The following ZNF385C variants were observed in gnomAD, a reference collection of about 807,000 sequenced individuals.
The protein encoded by ZNF385C is zinc finger protein 385C, also known as CTD-2132N18.2.
ZNF385C carries 28 observed loss-of-function variants against 35.4 expected under a neutral mutation model. The ratio of observed to expected loss-of-function variants is 0.79; its 90% confidence interval spans 0.59 to 1.08. The LOEUF (loss-of-function observed/expected upper bound fraction) is 1.08. Among genes scored for constraint, ZNF385C ranks in the 50% least tolerant of loss-of-function variants. The pLI, the probability that ZNF385C is intolerant of heterozygous loss-of-function variation, is 0.00. For synonymous variants in ZNF385C, 248 were observed against 248.2 expected (o/e 1.00, Z 0.01); for missense variants, 605 against 595.6 (o/e 1.02, Z -0.16).
At chr17:42,044,572 C>T (rs1555656440) in intron 2 of ZNF385C, among the ~76,000 whole-genome samples, 2 of 151,262 alleles carry the variant, frequency 1.3e-5, no homozygotes, top group African/African-American at 2.4e-5. Flanking sequence ...GCCGAGATCA[C>T]GCTATTGCAC....
chr17:42,067,501 AAGACTCCGTACCCCCTGGGCATGAC>A (rs1233183060), intron 1 of ZNF385C, among the ~76,000 whole-genome samples: 1 of 152,038 alleles, frequency 6.6e-6, no homozygotes, highest in African/African-American at 2.4e-5. Context: ...AAGGTAGGTG[AAGACTCCGTACCCCCTGGGCATGAC>A]AGACCCCAGT....
chr17:42,066,083 A>G (rs2053543115), intron 1 of ZNF385C, among the ~76,000 whole-genome samples: 1 of 152,102 alleles, frequency 6.6e-6, no homozygotes, highest in African/African-American at 2.4e-5. Context: ...TGTTTGAGAC[A>G]GGGTCTCACA....
intron 5 of ZNF385C, among the ~76,000 whole-genome samples, chr17:42,031,292 C>T (rs1170762994): frequency 6.6e-6 from 1 of 152,174 alleles, no homozygotes; most frequent in Non-Finnish European, 1.5e-5. Flanking sequence ...GCCTCAGCCT[C>T]CCAAAGTGTT....
At chr17:42,058,322 C>T (rs2053411402) in intron 2 of ZNF385C, among the ~76,000 whole-genome samples, 3 of 152,196 alleles carry the variant, frequency 2.0e-5, no homozygotes, top group African/African-American at 7.2e-5. Flanking sequence ...AGCGACAGCT[C>T]CCACGGAAAA....
At chr17:42,030,942 C>T (rs2052713671) in intron 5 of ZNF385C, among the ~76,000 whole-genome samples, 1 of 151,118 alleles carries the variant, frequency 6.6e-6, no homozygotes, top group African/African-American at 2.4e-5. Flanking sequence ...TCTAAGCCCC[C>T]AAGAAGGAAC....
chr17:42,027,717 G>A lies in ZNF385C; in HGVS notation c.1176C>T (p.Ser392=), dbSNP rs782783397. Residue 392 remains serine (S), a synonymous_variant, in exon 8 of 9, where the codon AGC becomes AGT. Coordinates refer to ENST00000692273, the MANE Select transcript of ZNF385C (RefSeq NM_001392013.1). ...SETQLKQHMS[S]RRHKDRLAGK... ...CGGCCAGGCGGTCTTTGTGCCTCCT[G>A]CTGCTCATGTGCTAATGGACAGACA... 45 of 1,612,558 alleles carry A rather than the reference G, an allele frequency of 2.8e-5. No homozygotes were observed. The South Asian group carries it at 4.2e-4, about 15-fold the overall frequency.
In ZNF385C at chr17:42,035,118, C is replaced by CAAA. The variant is rs1239388932; in HGVS notation, c.400-786_400-784dup. On this transcript the variant is annotated intron_variant, in intron 3 of 8. Transcript: ENST00000692273. ...TGGGCAACAGAGTGAGACTCTGTCT[C>CAAA]AAAAAAAAAAAAAAAAAAAAAGAGA... Among the ~76,000 whole-genome samples the CAAA allele has an allele frequency of 4.2e-3, 318 of 76,348 alleles. 2 individuals carry two copies. The highest frequency in any genetic ancestry group is 0.023 in the Middle Eastern group (2 of 86). The allele number at this position is 76,348 out of a possible 152,430, so 50.1% of individuals were successfully genotyped here. A position where few individuals can be genotyped will look rare whatever the true frequency, so the allele number is the denominator to read the frequency against.
intron 1 of ZNF385C, among the ~76,000 whole-genome samples, chr17:42,081,565 C>T (rs1017634165): frequency 6.6e-6 from 1 of 152,042 alleles, no homozygotes; most frequent in Non-Finnish European, 1.5e-5. Context: ...AAAGTAGAGT[C>T]GGGGTTTCAC....
chr17:42,084,679 C>T (rs921446780), intron 1 of ZNF385C, among the ~76,000 whole-genome samples: 2 of 152,038 alleles, frequency 1.3e-5, no homozygotes, highest in African/African-American at 2.4e-5. Context: ...GGTATGATCA[C>T]GGCTCACTGC....
At chr17:42,064,430 T>C (rs2053518451) in intron 1 of ZNF385C, among the ~76,000 whole-genome samples, 1 of 152,146 alleles carries the variant, frequency 6.6e-6, no homozygotes, top group Non-Finnish European at 1.5e-5. Flanking sequence ...CTGAAGTGTG[T>C]CCCCTCAAAA....
At chr17:42,043,473 G>A (rs1440122988) in intron 2 of ZNF385C, 1 of 1,117,128 alleles carries the variant, frequency 9.0e-7, no homozygotes, top group Non-Finnish European at 1.1e-6. Flanking sequence ...AAGGAGAGTT[G>A]ATGGGGAGGC....
chr17:42,052,017 G>C (rs1036636603), intron 2 of ZNF385C, among the ~76,000 whole-genome samples: 8 of 152,192 alleles, frequency 5.3e-5, no homozygotes, highest in Non-Finnish European at 1.2e-4. Context: ...ACAGCCCTCA[G>C]GTCTAGAATT....
chr17:42,031,992 G>C (rs1306168394), intron 4 of ZNF385C, among the ~76,000 whole-genome samples: 1 of 152,228 alleles, frequency 6.6e-6, no homozygotes, highest in East Asian at 1.9e-4. Context: ...CTCCAAGGCA[G>C]GCTGCCTCTG....
intron 1 of ZNF385C, among the ~76,000 whole-genome samples, chr17:42,094,174 G>A (rs2053893404): frequency 6.6e-6 from 1 of 152,028 alleles, no homozygotes; most frequent in Non-Finnish European, 1.5e-5. Flanking sequence ...GTAGAGACGG[G>A]GGTTCACCAT....
At chr17:42,055,487 C>T (rs2053359466) in intron 2 of ZNF385C, among the ~76,000 whole-genome samples, 1 of 152,056 alleles carries the variant, frequency 6.6e-6, no homozygotes, top group Admixed American at 6.6e-5. Flanking sequence ...CTTCTGTCAC[C>T]TGCCACCAAG....
At position 42,027,119 on chromosome 17, in the gene ZNF385C, C is replaced by T; in HGVS notation, c.1290G>A (p.Leu430=). The T allele has an allele frequency of 3.1e-6, 5 of 1,613,452 alleles. No individual in the cohort carries two copies. The highest frequency in any genetic ancestry group is 4.2e-6 in the Non-Finnish European group (5 of 1,179,850). Residue 430 remains leucine, a synonymous_variant, in exon 9 of 9, where the codon TTG becomes TTA. Transcript: ENST00000692273. ...AVSILKSKLA[L]QKQLTKTLAA... ...CCAACGTCTTGGTGAGTTGCTTCTG[C>T]AAGGCCAGTTTAGACTACACGGAAA...
chr17:42,028,879 T>C lies in ZNF385C; in HGVS notation c.871A>G (p.Met291Val), dbSNP rs937640962. ...TTCTCACTCCTGCCTTCCCCACTCA[T>C]GCTGCTTCCCACGGCAGCTGCCGCT... ...EPAAAAVGSSMSGEGRSEKGH... is the reference protein window; with the variant it reads ...EPAAAAVGSSVSGEGRSEKGH... Residue 291 changes from methionine to valine, a missense_variant, in exon 6 of 9, where the codon ATG becomes GTG. Transcript: ENST00000692273. The C allele has an allele frequency of 3.1e-5, 48 of 1,550,496 alleles. No homozygotes were observed. The highest frequency in any genetic ancestry group is 3.7e-5 in the Non-Finnish European group (43 of 1,146,994).
At chr17:42,075,360 G>A (rs1274141058) in intron 1 of ZNF385C, among the ~76,000 whole-genome samples, 1 of 152,060 alleles carries the variant, frequency 6.6e-6, no homozygotes, top group Non-Finnish European at 1.5e-5. Flanking sequence ...GTAGTTCTGG[G>A]CCTTCATTCA....
chr17:42,042,121 C>T (rs2053036738), intron 2 of ZNF385C, among the ~76,000 whole-genome samples: 1 of 152,124 alleles, frequency 6.6e-6, no homozygotes, highest in African/African-American at 2.4e-5. Context: ...ATTTCCATTC[C>T]AGCACTTTGC....
Sources: allele counts gnomAD v4.1 joint callset (sites outside exome capture counted in the v4.1 genomes callset), GRCh38; gene constraint gnomAD v4.1.1; transcripts MANE v1.5; gene names NCBI Gene and HGNC (gene_info 2026-07-23, HGNC 2026-07-21).